DLGAP2: variants seen among roughly 807,000 people sequenced by gnomAD.
DLGAP2 encodes the protein disks large-associated protein 2.
In DLGAP2, 26 loss-of-function variants were observed where a neutral mutation model predicts 100.3. The ratio of observed to expected loss-of-function variants is 0.26; its 90% CI spans 0.19 to 0.36. The LOEUF (loss-of-function observed/expected upper bound fraction) is 0.36. Ranked by LOEUF, DLGAP2 falls within the 10% of genes least tolerant of loss-of-function variation. The pLI, the probability that DLGAP2 is intolerant of heterozygous loss-of-function variation, is 1.00. For missense variants in DLGAP2, 1,858 were observed against 1,453.2 expected (o/e 1.28, Z -4.53); for synonymous variants, 886 against 630.1 (o/e 1.41, Z -6.08).
chr8:1,180,370 T>A (rs1489694444), intron 2 of DLGAP2, among the ~76,000 whole-genome samples: 12 of 152,218 alleles, frequency 7.9e-5, no homozygotes. Flanking sequence ...ATTTCTTTGA[T>A]TCATTTATTA....
chr8:1,165,342 G>A (rs1796994986), intron 2 of DLGAP2, among the ~76,000 whole-genome samples: 1 of 152,114 alleles, frequency 6.6e-6, no homozygotes, highest in South Asian at 2.1e-4. Flanking sequence ...CAGCCCTCAG[G>A]GCCCCAGGAC....
At chr8:1,137,244 C>T (rs1329616393) in intron 2 of DLGAP2, 2 of 152,344 alleles carry the variant, frequency 1.3e-5, no homozygotes, top group South Asian at 4.1e-4. Flanking sequence ...GACACCAGTC[C>T]TATTGAATTA....
intron 4 of DLGAP2, among the ~76,000 whole-genome samples, chr8:1,535,354 G>T (rs1801122409): frequency 6.6e-6 from 1 of 152,236 alleles, no homozygotes; most frequent in African/African-American, 2.4e-5. Context: ...TGAGAAAGAG[G>T]ATGTGATTTA....
At chr8:1,210,157 G>T (rs1468524987) in intron 2 of DLGAP2, among the ~76,000 whole-genome samples, 1 of 152,122 alleles carries the variant, frequency 6.6e-6, no homozygotes, top group Non-Finnish European at 1.5e-5. Context: ...TCACCCCCCA[G>T]GTTCCAGGCC....
chr8:1,474,483 T>G lies in DLGAP2; in HGVS notation c.107-26883T>G, dbSNP rs561643433. ...GTTTTCCATAGTGGTTGTACTGGTT[T>G]ACATTCCCACCAGCAGTGCAGAAGT... On this transcript the variant is annotated intron_variant, in intron 3 of 14. Coordinates refer to ENST00000637795, the MANE Select transcript of DLGAP2 (RefSeq NM_001346810.2). Among the ~76,000 whole-genome samples the G allele has an allele frequency of 3.7e-3, 563 of 152,346 alleles. 4 individuals are homozygous for G. Among genetic ancestry groups the G allele is most frequent in the Non-Finnish European group, 3.2e-3 (220 of 68,024 alleles).
intron 6 of DLGAP2, among the ~76,000 whole-genome samples, chr8:1,589,802 C>T (rs1195991265): frequency 3.3e-5 from 5 of 152,162 alleles, no homozygotes; most frequent in Non-Finnish European, 7.3e-5. Context: ...AATCCCTTGC[C>T]TTGATGGAGG....
intron 3 of DLGAP2, among the ~76,000 whole-genome samples, chr8:1,409,518 C>G (rs898728792): frequency 6.6e-6 from 1 of 152,240 alleles, no homozygotes; most frequent in Admixed American, 6.5e-5. Context: ...GTGTGACGAA[C>G]GTGCTCAGAA....
chr8:1,418,810 T>A (rs1408157721), intron 3 of DLGAP2, among the ~76,000 whole-genome samples: 1 of 152,158 alleles, frequency 6.6e-6, no homozygotes, highest in Non-Finnish European at 1.5e-5. Flanking sequence ...ACCCCGCAGG[T>A]TAAGGACGCA....
At chr8:912,295 A>G (rs1798500817) in intron 2 of DLGAP2, among the ~76,000 whole-genome samples, 1 of 152,226 alleles carries the variant, frequency 6.6e-6, no homozygotes. Context: ...TGACTGTGAA[A>G]CAGGTTATGT....
chr8:1,617,271 G>T (rs1266421328), intron 6 of DLGAP2, among the ~76,000 whole-genome samples: 1 of 152,210 alleles, frequency 6.6e-6, no homozygotes, highest in Non-Finnish European at 1.5e-5. Flanking sequence ...TCAGATGGTA[G>T]TTCTGTTTTT....
In DLGAP2 at chr8:1,697,243, G is replaced by A. The variant is rs368484699; in HGVS notation, c.2893G>A (p.Glu965Lys). 8.7e-6 allele frequency: 14 copies of A among 1,611,092 alleles called. No homozygotes were observed. Among genetic ancestry groups the A allele is most frequent in the African/African-American group, 5.3e-5 (4 of 74,984 alleles). ...SIEDVSMKFD[E>K]LQRLRLNDWK... ...TGAGGACGTCAGCATGAAGTTCGAC[G>A]AGCTGCAGCGGCTGCGGCTCAACGA... The change falls in exon 14 of 15, where the codon GAG becomes AAG. Residue 965 changes from glutamate to lysine, a missense_variant. By Grantham distance (56) the Glu-to-Lys change is moderately conservative. Coordinates refer to ENST00000637795, the MANE Select transcript of DLGAP2 (RefSeq NM_001346810.2).
chr8:932,635 A>T (rs910776959), intron 2 of DLGAP2, among the ~76,000 whole-genome samples: 9 of 152,348 alleles, frequency 5.9e-5, no homozygotes, highest in Admixed American at 5.9e-4. Context: ...TTATTATGTG[A>T]AGGGCTATTA....
At chr8:1,499,953 C>T (rs940660872) in intron 3 of DLGAP2, among the ~76,000 whole-genome samples, 18 of 133,080 alleles carry the variant, frequency 1.4e-4, no homozygotes, top group Admixed American at 1.0e-3. Flanking sequence ...TTGCAGACTA[C>T]AGCCTGGCTA....
intron 2 of DLGAP2, among the ~76,000 whole-genome samples, chr8:984,649 C>T (rs1800436292): frequency 6.6e-6 from 1 of 152,212 alleles, no homozygotes; most frequent in African/African-American, 2.4e-5. Flanking sequence ...AAGAGCACGG[C>T]CTCCCAGTCA....
chr8:839,897 G>A (rs180699386), intron 1 of DLGAP2, among the ~76,000 whole-genome samples: 80 of 152,242 alleles, frequency 5.3e-4, no homozygotes, highest in African/African-American at 1.6e-3. Context: ...TGGCCTGTAC[G>A]TCTCCCCACA....
chr8:1,414,658 G>A (rs980310174), intron 3 of DLGAP2, among the ~76,000 whole-genome samples: 1 of 150,540 alleles, frequency 6.6e-6, no homozygotes, highest in Non-Finnish European at 1.5e-5. Flanking sequence ...CGCACGTCCA[G>A]GCGTCCTCTG....
chr8:1,634,216 T>C lies in DLGAP2; in HGVS notation c.1810+1170T>C, dbSNP rs78604328. On this transcript the variant is annotated intron_variant, in intron 8 of 14. Coordinates refer to ENST00000637795, the MANE Select transcript of DLGAP2 (RefSeq NM_001346810.2). ...AGAGAAGCTGTAGCCATAGATAATT[T>C]ATTTGCATAAATTTAAAGATTATTT... Among the ~76,000 whole-genome samples, 726 of 152,332 alleles carry C rather than the reference T, an allele frequency of 4.8e-3. 3 individuals carry two copies. Among genetic ancestry groups the C allele is most frequent in the African/African-American group, 0.016 (667 of 41,572 alleles).
At chr8:1,536,629 G>T (rs1008670171) in intron 4 of DLGAP2, among the ~76,000 whole-genome samples, 3 of 152,072 alleles carry the variant, frequency 2.0e-5, no homozygotes, top group Non-Finnish European at 2.9e-5. Context: ...GTCCCCGAGG[G>T]CTCTCTAGAG....
intron 3 of DLGAP2, among the ~76,000 whole-genome samples, chr8:1,425,093 G>C (rs2108120): frequency 0.025 from 3,817 of 152,046 alleles, 134 homozygotes; most frequent in African/African-American, 0.086. Flanking sequence ...AACTTGTATA[G>C]TATTTTGCCA....
Sources: allele counts gnomAD v4.1 joint callset (sites outside exome capture counted in the v4.1 genomes callset), GRCh38; gene constraint gnomAD v4.1.1; transcripts MANE v1.5; gene names NCBI Gene and HGNC (gene_info 2026-07-23, HGNC 2026-07-21).